Variants in ADD3 observed in about 807,000 individuals in gnomAD.
ADD3 encodes the protein adducin 3, also known as gamma-adducin.
ADD3 carries 25 observed loss-of-function variants against 80.2 expected under a neutral mutation model. The observed-to-expected ratio is 0.31, with a 90% CI of 0.23 to 0.44. The LOEUF (loss-of-function observed/expected upper bound fraction) is 0.44, where lower values mean the gene tolerates loss of function less well. Ranked by LOEUF, ADD3 falls within the 20% of genes least tolerant of loss-of-function variation. The probability of loss-of-function intolerance (pLI) is 1.00; values close to 1 mark genes in which losing one functional copy is unlikely to be tolerated. For synonymous variants in ADD3, 284 were observed against 289.6 expected (o/e 0.98, Z 0.20); for missense variants, 829 against 847.5 (o/e 0.98, Z 0.27).
intron 1 of ADD3, among the ~76,000 whole-genome samples, chr10:110,042,982 A>G (rs1856542200): frequency 6.6e-6 from 1 of 152,226 alleles, no homozygotes; most frequent in African/African-American, 2.4e-5. Flanking sequence ...ATTTTTAAAT[A>G]ATGATCACGT....
intron 10 of ADD3, 57 bp downstream of exon 10, chr10:110,124,331 G>C: frequency 2.6e-6 from 4 of 1,554,968 alleles, no homozygotes; most frequent in Non-Finnish European, 3.5e-6. Context: ...AGTTACTCAA[G>C]AATTGAATGT....
At chr10:110,054,891 G>A (rs1238336548) in intron 1 of ADD3, among the ~76,000 whole-genome samples, 1 of 151,854 alleles carries the variant, frequency 6.6e-6, no homozygotes, top group African/African-American at 2.4e-5. Context: ...TGGGCTTACA[G>A]GCATGAGCCA....
intron 1 of ADD3, among the ~76,000 whole-genome samples, chr10:109,999,525 A>T (rs899437905): frequency 6.6e-6 from 1 of 152,192 alleles, no homozygotes; most frequent in Non-Finnish European, 1.5e-5. Context: ...ACTCTGGTAT[A>T]TTATACTTAC....
At chr10:110,109,890 A>G (rs903904222) in intron 2 of ADD3, among the ~76,000 whole-genome samples, 30 of 145,736 alleles carry the variant, frequency 2.1e-4, no homozygotes, top group Admixed American at 2.0e-3. Flanking sequence ...TGAACAAGAA[A>G]ACTCCCTAAT....
At chr10:110,030,141 T>C (rs904840792) in intron 1 of ADD3, among the ~76,000 whole-genome samples, 1 of 145,248 alleles carries the variant, frequency 6.9e-6, no homozygotes, top group Non-Finnish European at 1.5e-5. Flanking sequence ...CTGACCAACA[T>C]GGAGAAACCT....
At chr10:110,040,490 A>G (rs980067825) in intron 1 of ADD3, among the ~76,000 whole-genome samples, 1 of 152,206 alleles carries the variant, frequency 6.6e-6, no homozygotes, top group Admixed American at 6.5e-5. Context: ...ACTTAATTGC[A>G]TATTTAAGTA....
intron 1 of ADD3, among the ~76,000 whole-genome samples, chr10:110,020,315 AAGT>A (rs1853522830): frequency 6.6e-6 from 1 of 152,286 alleles, no homozygotes; most frequent in East Asian, 1.9e-4. Flanking sequence ...AATAGAAATA[AAGT>A]ATGTGTTACG....
intron 1 of ADD3, among the ~76,000 whole-genome samples, chr10:110,059,827 A>C (rs1589922822): frequency 6.6e-6 from 1 of 152,174 alleles, no homozygotes. Context: ...TCAAAGGCCA[A>C]AGTTGGTTTT....
upstream of ADD3, chr10:110,005,901 C>T (rs111475163): frequency 8.6e-3 from 1,381 of 160,280 alleles, 11 homozygotes; most frequent in Middle Eastern, 0.033. Context: ...ATTCCGCCTC[C>T]TCTCATAAGC....
intron 1 of ADD3, among the ~76,000 whole-genome samples, chr10:110,031,887 C>T (rs1057510065): frequency 2.6e-5 from 4 of 151,174 alleles, no homozygotes; most frequent in African/African-American, 9.8e-5. Flanking sequence ...GTCTAATTGA[C>T]ATATGTATTA....
At chr10:110,035,023 A>AT (rs1318092347) in intron 1 of ADD3, among the ~76,000 whole-genome samples, 2 of 152,150 alleles carry the variant, frequency 1.3e-5, no homozygotes, top group South Asian at 2.1e-4. Flanking sequence ...TCATGAGACA[A>AT]TTTTTTCAGT....
In ADD3 at chr10:110,042,687, G is replaced by GTT. The variant is rs35414440; in HGVS notation, c.-30+34402_-30+34403dup. Among the ~76,000 whole-genome samples, 644 of 140,438 alleles carry GTT rather than the reference G, an allele frequency of 4.6e-3. 3 individuals are homozygous for GTT. Among genetic ancestry groups the GTT allele is most frequent in the East Asian group, 0.015 (76 of 4,920 alleles). 92.1% of individuals were successfully genotyped at this position (140,438 alleles called of 152,430 possible). A position where few individuals can be genotyped will look rare whatever the true frequency, so the allele number is the denominator to read the frequency against. Reference sequence around the variant, plus strand: ...TGATAACTGAGTTTTGTCTGGTGCTGTTTTTTTTTTTTTTTCCATCAGTTT... The same window carrying GTT: ...TGATAACTGAGTTTTGTCTGGTGCTGTTTTTTTTTTTTTTTTTCCATCAGTTT... On this transcript the variant is annotated intron_variant, in intron 1 of 14. Coordinates refer to ENST00000356080, the MANE Select transcript of ADD3 (RefSeq NM_016824.5).
chr10:110,063,737 T>TTATATATATATATATATATATATATA (rs139871560), intron 1 of ADD3, among the ~76,000 whole-genome samples: 1 of 64,672 alleles, frequency 1.5e-5, no homozygotes, highest in East Asian at 3.6e-4. Flanking sequence ...TATATATTCA[T>TTATATATATATATATATATATATATA]TATATATATA....
At chr10:110,046,278 G>C (rs1856897086) in intron 1 of ADD3, among the ~76,000 whole-genome samples, 1 of 151,996 alleles carries the variant, frequency 6.6e-6, no homozygotes, top group Non-Finnish European at 1.5e-5. Flanking sequence ...TATTTTCTTA[G>C]TATTTTCTAT....
At chr10:110,090,397 T>G (rs991581326) in intron 1 of ADD3, among the ~76,000 whole-genome samples, 1 of 151,216 alleles carries the variant, frequency 6.6e-6, no homozygotes, top group Non-Finnish European at 1.5e-5. Context: ...TGTTTTGTAT[T>G]TTTAGTAGAG....
intron 1 of ADD3, among the ~76,000 whole-genome samples, chr10:110,089,944 T>A (rs1425726792): frequency 3.3e-5 from 5 of 152,096 alleles, no homozygotes; most frequent in Non-Finnish European, 1.5e-5. Flanking sequence ...AATAAAGATT[T>A]TTATTTCAAG....
intron 2 of ADD3, among the ~76,000 whole-genome samples, chr10:110,105,628 A>G (rs1849319790): frequency 6.6e-6 from 1 of 152,196 alleles, no homozygotes; most frequent in South Asian, 2.1e-4. Flanking sequence ...CTGAAAAATA[A>G]CAGGAGTGTA....
intron 1 of ADD3, among the ~76,000 whole-genome samples, chr10:110,018,043 G>A (rs1390108453): frequency 6.6e-6 from 1 of 152,118 alleles, no homozygotes; most frequent in African/African-American, 2.4e-5. Flanking sequence ...ACTTTAATAT[G>A]TGTCTTCCAG....
intron 1 of ADD3, among the ~76,000 whole-genome samples, chr10:110,054,660 T>C (rs1259398405): frequency 6.6e-6 from 1 of 150,820 alleles, no homozygotes; most frequent in African/African-American, 2.4e-5. Context: ...TCCCCCAGGC[T>C]GCAATGCAGT....
Sources: gnomAD v4.1 joint callset for allele counts (sites outside exome capture counted in the v4.1 genomes callset) on GRCh38, gnomAD v4.1.1 for gene constraint, MANE v1.5 for transcripts, NCBI Gene and HGNC (gene_info 2026-07-23, HGNC 2026-07-21) for gene names.